The following PKHD1 variants were observed in gnomAD, a reference collection of about 807,000 sequenced individuals.
PKHD1 encodes the protein fibrocystin.
PKHD1 carries 291 observed loss-of-function variants against 412.0 expected under a neutral mutation model. That is an observed-to-expected ratio of 0.71 (90% CI 0.64 to 0.78). PKHD1 has a LOEUF of 0.78. Ranked by LOEUF, PKHD1 falls within the 30% of genes least tolerant of loss-of-function variation. The pLI is 0.00. For synonymous variants in PKHD1, 1,777 were observed against 1,821.5 expected (o/e 0.98, Z 0.62); for missense variants, 4,825 against 4,950.7 (o/e 0.97, Z 0.76).
intron 35 of PKHD1, among the ~76,000 whole-genome samples, chr6:51,977,245 C>T (rs1050296207): frequency 6.6e-6 from 1 of 152,160 alleles, no homozygotes; most frequent in African/African-American, 2.4e-5. Context: ...ATATATGCTT[C>T]CCTCATTGCT....
intron 52 of PKHD1, 125 bp downstream of exon 52, chr6:51,830,736 T>A: frequency 2.2e-6 from 2 of 910,454 alleles, no homozygotes; most frequent in Admixed American, 4.0e-5. Flanking sequence ...AGAGGAAGAA[T>A]GAAACAACAT....
intron 60 of PKHD1, among the ~76,000 whole-genome samples, chr6:51,726,790 G>C (rs932802): frequency 0.79 from 119,513 of 152,214 alleles, 47,743 homozygotes; most frequent in East Asian, 0.98. Context: ...TTTCAACTAA[G>C]ACTAAGGTCT....
intron 63 of PKHD1, among the ~76,000 whole-genome samples, chr6:51,642,965 T>G (rs1396129322): frequency 6.6e-6 from 1 of 152,122 alleles, no homozygotes; most frequent in Non-Finnish European, 1.5e-5. Flanking sequence ...GGGTAAGGAA[T>G]AGAATATGGG....
rs543671356 is a variant in PKHD1 at position 51,683,090 on chromosome 6, T to G, written c.10157-23121A>C. ...GTGAGATCAACCAGATACCATTTAG[T>G]CAGTTGAACAAATCAACTATGAAGA... On this transcript the variant is annotated intron_variant, in intron 60 of 66. Transcript: ENST00000371117. Among the ~76,000 whole-genome samples the G allele has an allele frequency of 2.0e-5, 3 of 152,168 alleles. No homozygotes were observed. The East Asian group carries it at 5.8e-4, about 29-fold the overall frequency.
chr6:51,765,475 G>A (rs73426042), intron 55 of PKHD1, among the ~76,000 whole-genome samples: 19 of 151,958 alleles, frequency 1.3e-4, no homozygotes, highest in African/African-American at 2.4e-4. Context: ...CTCACTCTGC[G>A]CCAGCTATAG....
chr6:51,669,278 A>G (rs1239193585), intron 60 of PKHD1, among the ~76,000 whole-genome samples: 2 of 151,920 alleles, frequency 1.3e-5, no homozygotes, highest in Non-Finnish European at 1.5e-5. Flanking sequence ...GTCTTGGGAG[A>G]GTGTATGTGT....
In PKHD1 at chr6:51,767,585, T is replaced by C. The variant is rs531894904; in HGVS notation, c.8642+5117A>G. ...TGCAGTGTTTGGTTTTGTGTCCTTG[T>C]GATAGTTTGATGAGAATGATGGTTT... On this transcript the variant is annotated intron_variant, in intron 55 of 66. Transcript: ENST00000371117. Among the ~76,000 whole-genome samples, 27 of 152,280 alleles carry C rather than the reference T, an allele frequency of 1.8e-4. No individual in the cohort carries two copies. In the South Asian group the frequency reaches 5.2e-3, roughly 29 times the overall value.
At chr6:51,655,358 C>T (rs1771641456) in intron 61 of PKHD1, among the ~76,000 whole-genome samples, 1 of 152,112 alleles carries the variant, frequency 6.6e-6, no homozygotes, top group African/African-American at 2.4e-5. Context: ...TGCCAAAAGA[C>T]TTGTATAATT....
At position 51,619,038 on chromosome 6, in the gene PKHD1, G is replaced by A. The variant is rs772323148; in HGVS notation, c.*43C>T. On this transcript the variant is annotated 3_prime_UTR_variant, in exon 67 of 67. Transcript: ENST00000371117. Reference sequence around the variant, plus strand: ...CCCAGCTTATTATCCAGAAATACTGGGAACATTCTGCCTTTCAGGCCAAAT... The same window carrying A: ...CCCAGCTTATTATCCAGAAATACTGAGAACATTCTGCCTTTCAGGCCAAAT... 6.4e-7 allele frequency: 1 copy of A among 1,559,472 alleles called. No individual in the cohort carries two copies. The highest frequency in any genetic ancestry group is 1.7e-5 in the Admixed American group (1 of 59,958).
chr6:51,737,265 T>C (rs1312269414), intron 60 of PKHD1, among the ~76,000 whole-genome samples: 1 of 152,200 alleles, frequency 6.6e-6, no homozygotes, highest in Non-Finnish European at 1.5e-5. Context: ...TGGGAAAAGC[T>C]TATCGTGAGT....
intron 50 of PKHD1, among the ~76,000 whole-genome samples, chr6:51,845,141 G>A (rs750539341): frequency 1.1e-4 from 16 of 152,208 alleles, no homozygotes; most frequent in Admixed American, 3.3e-4. Context: ...ACCAACAACA[G>A]CAACTACCAT....
chr6:51,976,947 A>AAAAAAAAAAAAAAAAAAAAAAAC (rs1794532340), intron 35 of PKHD1, among the ~76,000 whole-genome samples: 1 of 151,232 alleles, frequency 6.6e-6, no homozygotes, highest in African/African-American at 2.4e-5. Flanking sequence ...GACTCCATAA[A>AAAAAAAAAAAAAAAAAAAAAAAC]AAAAAAAAAA....
chr6:52,012,115 A>G (rs1392200358), intron 34 of PKHD1, among the ~76,000 whole-genome samples: 1 of 152,234 alleles, frequency 6.6e-6, no homozygotes, highest in Non-Finnish European at 1.5e-5. Flanking sequence ...CCCGGGGCAG[A>G]TGGTTACCAT....
At chr6:51,916,501 A>G (rs554352213) in intron 37 of PKHD1, among the ~76,000 whole-genome samples, 1 of 152,304 alleles carries the variant, frequency 6.6e-6, no homozygotes, top group South Asian at 2.1e-4. Flanking sequence ...AGTTCTTCTG[A>G]ATCTAAGACC....
At chr6:52,070,595 C>A in intron 9 of PKHD1, 150 bp from the exon 10 acceptor site, 4 of 646,062 alleles carry the variant, frequency 6.2e-6, no homozygotes, top group Non-Finnish European at 1.1e-5. Flanking sequence ...CAAAAACAAA[C>A]AAACAAACAA....
intron 60 of PKHD1, among the ~76,000 whole-genome samples, chr6:51,742,331 T>C (rs1784656728): frequency 6.6e-6 from 1 of 152,202 alleles, no homozygotes; most frequent in African/African-American, 2.4e-5. Context: ...ATTCCAGAGA[T>C]AAGCCTTCAA....
chr6:51,748,091 A>G lies in PKHD1; in HGVS notation c.9525T>C (p.Asn3175=). The part of the protein sequence containing the change: ...VEIENITLVD[N]TIGLLAVVYV... The stretch of plus-strand genomic sequence containing the variant: ...ACACTACTGCCAAAAGACCAATAGT[A>G]TTGTCTACCAGAGTAATGTTCTCTA... Residue 3175 remains asparagine (N), a synonymous_variant, in exon 58 of 67, where the codon AAT becomes AAC. Coordinates refer to ENST00000371117, the MANE Select transcript of PKHD1 (RefSeq NM_138694.4). 1.2e-6 allele frequency: 2 copies of G among 1,613,766 alleles called. No homozygotes were observed. The highest frequency in any genetic ancestry group is 1.1e-5 in the South Asian group (1 of 91,070).
chr6:51,662,974 A>G (rs1162397845), intron 60 of PKHD1, among the ~76,000 whole-genome samples: 1 of 151,992 alleles, frequency 6.6e-6, no homozygotes, highest in Non-Finnish European at 1.5e-5. Flanking sequence ...TTTAACCTTC[A>G]CATTGTGTTT....
chr6:51,761,151 G>C (rs1326858745), intron 55 of PKHD1, among the ~76,000 whole-genome samples: 1 of 152,020 alleles, frequency 6.6e-6, no homozygotes, highest in Non-Finnish European at 1.5e-5. Flanking sequence ...TTATTCGCAA[G>C]AGCCAAAATA....
Sources: gnomAD v4.1 joint callset for allele counts (sites outside exome capture counted in the v4.1 genomes callset) on GRCh38, gnomAD v4.1.1 for gene constraint, MANE v1.5 for transcripts, NCBI Gene and HGNC (gene_info 2026-07-23, HGNC 2026-07-21) for gene names.